LOXHD1: variants seen among roughly 807,000 people sequenced by gnomAD.
The protein encoded by LOXHD1 is lipoxygenase homology domain-containing protein 1.
A neutral mutation model predicts 248.2 loss-of-function variants in LOXHD1; 205 were observed. That is an observed-to-expected ratio of 0.83 (90% CI 0.74 to 0.93). LOXHD1 has a LOEUF of 0.93. LOXHD1 is among the 40% of genes least tolerant of loss of function. The pLI is 0.00. For synonymous variants in LOXHD1, 1,113 were observed against 1,162.8 expected, an observed-to-expected ratio of 0.96 and a Z score of 0.87; for missense variants, 2,930 against 2,971.6, an observed-to-expected ratio of 0.99 and a Z score of 0.33.
intron 4 of LOXHD1, 38 bp downstream of exon 4, chr18:46,639,578 T>A (rs2038936426): frequency 6.5e-7 from 1 of 1,532,716 alleles, no homozygotes; most frequent in Admixed American, 2.0e-5. Context: ...CCAGCCCAGC[T>A]AGGGAGGGAT....
In LOXHD1 at chr18:46,579,631, T is replaced by C. The variant is rs918726548; in HGVS notation, c.1808A>G (p.Asn603Ser). 1.9e-6 allele frequency: 3 copies of C among 1,551,546 alleles called. No homozygotes were observed. Among genetic ancestry groups the C allele is most frequent in the African/African-American group, 2.7e-5 (2 of 73,024 alleles). Residue 603 changes from asparagine to serine, a missense_variant and splice_region_variant, in exon 13 of 41, where the codon AAT becomes AGT. Asn to Ser is a conservative substitution (Grantham distance 46). Transcript: ENST00000642948. ...RNNTDLFEKG[N>S]ADEFTIESVT... Reference sequence around the variant, plus strand: ...GTGGGGCACATTGCTGTAACTTACATTGCCCTTTTCAAACAGGTCTGTGTT... The same window carrying C: ...GTGGGGCACATTGCTGTAACTTACACTGCCCTTTTCAAACAGGTCTGTGTT...
chr18:46,601,563 C>T (rs1366672319), intron 7 of LOXHD1, 96 bp from the exon 8 acceptor site: 1 of 1,489,274 alleles, frequency 6.7e-7, no homozygotes, highest in Non-Finnish European at 9.2e-7. Flanking sequence ...ACCCCCAAAG[C>T]CCTCCTCCTC....
At chr18:46,523,946 T>C (rs545564143) in intron 31 of LOXHD1, among the ~76,000 whole-genome samples, 2 of 152,362 alleles carry the variant, frequency 1.3e-5, no homozygotes, top group South Asian at 2.1e-4. Flanking sequence ...ATTCAAATGT[T>C]TGATAGGCAA....
chr18:46,540,081 C>A (rs1237882661), intron 25 of LOXHD1, among the ~76,000 whole-genome samples: 2 of 152,226 alleles, frequency 1.3e-5, no homozygotes, highest in Non-Finnish European at 2.9e-5. Context: ...GTCCTTACCT[C>A]CTTTAACCCT....
chr18:46,494,822 A>ATT (rs909419357), intron 37 of LOXHD1, among the ~76,000 whole-genome samples: 3 of 116,952 alleles, frequency 2.6e-5, no homozygotes, highest in African/African-American at 1.0e-4. Flanking sequence ...TATGATTTAT[A>ATT]TTTTTCTTTC....
intron 4 of LOXHD1, among the ~76,000 whole-genome samples, chr18:46,626,457 G>A (rs1167672104): frequency 4.6e-5 from 7 of 152,194 alleles, no homozygotes; most frequent in Non-Finnish European, 8.8e-5. Flanking sequence ...AGAATCACCT[G>A]AACCTGGGAG....
chr18:46,653,827 C>T (rs139250411), intron 1 of LOXHD1, among the ~76,000 whole-genome samples: 82 of 152,322 alleles, frequency 5.4e-4, no homozygotes, highest in African/African-American at 1.9e-3. Flanking sequence ...CCTTGAAGGA[C>T]TGTGATAAGG....
At chr18:46,581,245 A>G (rs2037955752) in intron 12 of LOXHD1, among the ~76,000 whole-genome samples, 1 of 152,218 alleles carries the variant, frequency 6.6e-6, no homozygotes, top group Non-Finnish European at 1.5e-5. Context: ...TCAACAGATT[A>G]GCAATATAGT....
At chr18:46,506,184 G>A (rs1460515227) in intron 36 of LOXHD1, among the ~76,000 whole-genome samples, 161 bp from the exon 37 acceptor site, 2 of 152,144 alleles carry the variant, frequency 1.3e-5, no homozygotes, top group Non-Finnish European at 2.9e-5. Flanking sequence ...GTCAATTACT[G>A]TCCCAGGTCT....
At chr18:46,582,050 T>C (rs904942343) in intron 12 of LOXHD1, among the ~76,000 whole-genome samples, 3 of 152,354 alleles carry the variant, frequency 2.0e-5, no homozygotes, top group Non-Finnish European at 2.9e-5. Context: ...GAAACCTTCA[T>C]GTTAGACATT....
chr18:46,546,191 T>TGACAA (rs879331189), intron 22 of LOXHD1, among the ~76,000 whole-genome samples: 22,899 of 152,006 alleles, frequency 0.15, 1,850 homozygotes, highest in South Asian at 0.24. Flanking sequence ...TCTTGAAAGT[T>TGACAA]ACTGTTCATT....
At chr18:46,525,270 T>C (rs1235733086) in intron 29 of LOXHD1, among the ~76,000 whole-genome samples, 1 of 152,224 alleles carries the variant, frequency 6.6e-6, no homozygotes, top group African/African-American at 2.4e-5. Context: ...CAGCTGGTCC[T>C]GTTCCCAGAC....
intron 19 of LOXHD1, 54 bp downstream of exon 19, chr18:46,560,029 A>G: frequency 6.8e-7 from 1 of 1,472,840 alleles, no homozygotes; most frequent in Non-Finnish European, 9.2e-7. Flanking sequence ...GGCCCCCTTT[A>G]GGGGAACTGT....
chr18:46,560,488 C>A lies in LOXHD1; in HGVS notation c.2656G>T (p.Gly886Cys). 1 of 1,538,782 alleles carries A rather than the reference C, an allele frequency of 6.5e-7. No individual in the cohort carries two copies. Among genetic ancestry groups the A allele is most frequent in the Admixed American group, 2.0e-5 (1 of 50,994 alleles). Residue 886 changes from glycine to cysteine, a missense_variant, in exon 19 of 41, where the codon GGC becomes TGC. Coordinates refer to ENST00000642948, the MANE Select transcript of LOXHD1 (RefSeq NM_001384474.1). ...TCCACGAACCAGCTGGGCCCAAAGC[C>A]CTCGCCCGTGTGCCCGAGCCGGAGC... ...YKLRLGHTGE[G>C]FGPSWFVDTV... is the part of the protein sequence containing the mutation.
chr18:46,510,361 T>A (rs992280398), intron 34 of LOXHD1, among the ~76,000 whole-genome samples: 1 of 152,208 alleles, frequency 6.6e-6, no homozygotes, highest in African/African-American at 2.4e-5. Context: ...GTGCCCTGAA[T>A]TGGGTAATGC....
intron 37 of LOXHD1, among the ~76,000 whole-genome samples, chr18:46,489,937 G>C (rs997039379): frequency 6.6e-6 from 1 of 152,192 alleles, no homozygotes; most frequent in Middle Eastern, 3.2e-3. Context: ...TATTTCTTTT[G>C]GGTATGTTGC....
At chr18:46,654,782 G>A (rs1394147243) in intron 1 of LOXHD1, among the ~76,000 whole-genome samples, 1 of 152,206 alleles carries the variant, frequency 6.6e-6, no homozygotes, top group Non-Finnish European at 1.5e-5. Context: ...ACCACCGTTA[G>A]CATCATCCAC....
rs328167 is a variant in LOXHD1 at position 46,577,526 on chromosome 18, G to T, written c.1970+181C>A. 0.34 allele frequency among the ~76,000 whole-genome samples: 51,636 copies of T among 151,904 alleles called. 10,722 individuals carry two copies. The highest frequency in any genetic ancestry group is 0.47 in the Middle Eastern group (138 of 294). On this transcript the variant is annotated intron_variant, in intron 14 of 40. Coordinates refer to ENST00000642948, the MANE Select transcript of LOXHD1 (RefSeq NM_001384474.1). ...GTGGTGTTCATCACGGTGGTAGGGGGTGAGAAGGGAATGTGAGGCTCAGGT... is the reference window on the plus strand; with the variant it reads ...GTGGTGTTCATCACGGTGGTAGGGGTTGAGAAGGGAATGTGAGGCTCAGGT...
intron 16 of LOXHD1, among the ~76,000 whole-genome samples, chr18:46,566,942 A>G (rs1382610486): frequency 6.6e-6 from 1 of 152,210 alleles, no homozygotes; most frequent in Non-Finnish European, 1.5e-5. Context: ...GTGACAGACT[A>G]TGCAGGCAAC....
Sources: gnomAD v4.1 joint callset for allele counts (sites outside exome capture counted in the v4.1 genomes callset) on GRCh38, gnomAD v4.1.1 for gene constraint, MANE v1.5 for transcripts, NCBI Gene and HGNC (gene_info 2026-07-23, HGNC 2026-07-21) for gene names.